Variants in CD22 observed in about 807,000 individuals in gnomAD.
CD22 encodes the protein CD22 molecule, also known as B-cell receptor CD22.
In CD22, 51 loss-of-function variants were observed where a neutral mutation model predicts 94.7. That is an observed-to-expected ratio of 0.54 (90% CI 0.43 to 0.68). CD22 has a LOEUF of 0.68. Ranked by LOEUF, CD22 falls within the 30% of genes least tolerant of loss-of-function variation. CD22 has a pLI of 0.00. For synonymous variants in CD22, 424 were observed against 422.5 expected, an observed-to-expected ratio of 1.00 and a Z score of -0.04; for missense variants, 931 against 1,060.4, an observed-to-expected ratio of 0.88 and a Z score of 1.69.
rs888295231 is a variant in CD22 at position 35,340,918 on chromosome 19, C to T, written c.1287C>T (p.Pro429=). 6 of 1,614,044 alleles carry T rather than the reference C, an allele frequency of 3.7e-6. No individual in the cohort carries two copies. The Admixed American group carries it at 5.0e-5, about 13-fold the overall frequency. The change falls in exon 7 of 14, where the codon CCC becomes CCT. Residue 429 remains proline, a synonymous_variant. Coordinates refer to ENST00000085219, the MANE Select transcript of CD22 (RefSeq NM_001771.4). ...PKKVTTVIQN[P]MPIREGDTVT... is the part of the protein sequence containing the mutation. ...AGGTGACCACAGTGATTCAAAACCC[C>T]ATGCCGATTCGAGAAGGAGACACAG... is the stretch of plus-strand genomic sequence containing the variant.
At chr19:35,344,982 A>T in intron 10 of CD22, 57 bp downstream of exon 10, 1 of 1,598,348 alleles carries the variant, frequency 6.3e-7, no homozygotes, top group Non-Finnish European at 8.6e-7. Context: ...GCCCGTGTCC[A>T]GTTGCTCCAT....
rs2066746264 is a variant in CD22 at position 35,337,774 on chromosome 19, C to T, written c.738C>T (p.Ile246=). The T allele has an allele frequency of 6.2e-7, 1 of 1,602,104 alleles. No individual in the cohort carries two copies. The highest frequency in any genetic ancestry group is 1.3e-5 in the African/African-American group (1 of 74,728). The change falls in exon 5 of 14, where the codon ATC becomes ATT. Residue 246 remains isoleucine (I), a synonymous_variant. Coordinates refer to ENST00000085219, the MANE Select transcript of CD22 (RefSeq NM_001771.4). This position sits in a 1 kb window ranked among gnomAD's most constrained non-coding sequence, Gnocchi z 4.4. The stretch of plus-strand genomic sequence containing the variant: ...CTCCAGACACCCCGAAGTTGGAGAT[C>T]AAGGTCACTCCCAGTGATGCCATAG... The part of the protein sequence containing the change: ...LNVKHTPKLE[I]KVTPSDAIVR...
At chr19:35,343,890 A>G in intron 9 of CD22, among the ~76,000 whole-genome samples, 1 of 152,200 alleles carries the variant, frequency 6.6e-6, no homozygotes, top group East Asian at 1.9e-4. Flanking sequence ...CTGACCAGGC[A>G]CAGTGGCTCA....
rs1029418682 is a variant in CD22 at position 35,346,778 on chromosome 19, G to T, written c.*81G>T. 7.4e-7 allele frequency: 1 copy of T among 1,349,618 alleles called. No individual in the cohort carries two copies. The highest frequency in any genetic ancestry group is 2.3e-5 in the Admixed American group (1 of 43,046). The allele number at this position is 1,349,618 out of a possible 1,614,324, so 83.6% of individuals were successfully genotyped here. A position where few individuals can be genotyped will look rare whatever the true frequency, so the allele number is the denominator to read the frequency against. ...GAGTTTCCCCAGACACCGCCACATG[G>T]CTTCCTCCTGCGCGCATGTGCGCAC... On this transcript the variant is annotated 3_prime_UTR_variant, in exon 14 of 14. Transcript: ENST00000085219.
In CD22 at chr19:35,341,958, C is replaced by T. The variant is rs1135985; in HGVS notation, c.2028C>T (p.Thr676=). The change falls in exon 9 of 14, where the codon ACC becomes ACT. Residue 676 remains threonine, a synonymous_variant. Coordinates refer to ENST00000085219, the MANE Select transcript of CD22 (RefSeq NM_001771.4). The surrounding 1 kb of genome is among the most constrained non-coding windows in gnomAD (Gnocchi z 4.0). ...GCCGTTCGCCTCTCAGCACCCTCAC[C>T]GTCTACTGTAAGGCCTCTTCCTGCT... The part of the protein sequence containing the change: ...GKGRSPLSTL[T]VYYSPETIGR... 9.4e-5 allele frequency: 151 copies of T among 1,611,582 alleles called. No homozygotes were observed. Among genetic ancestry groups the T allele is most frequent in the Middle Eastern group, 5.0e-4 (3 of 6,050 alleles).
At chr19:35,345,871 AG>A in intron 12 of CD22, 151 bp downstream of exon 12, 1 of 679,258 alleles carries the variant, frequency 1.5e-6, no homozygotes, top group Non-Finnish European at 2.6e-6. Flanking sequence ...CCTCTGGGTA[AG>A]GGCCAGTCTC....
intron 6 of CD22, among the ~76,000 whole-genome samples, chr19:35,339,140 G>A (rs1171575367): frequency 1.3e-5 from 2 of 152,168 alleles, no homozygotes. Context: ...GGAGGCTGAG[G>A]AGGGAGAATC....
At chr19:35,336,643 A>T (rs2066729023) in intron 4 of CD22, 3 of 403,152 alleles carry the variant, frequency 7.4e-6, no homozygotes, top group African/African-American at 4.0e-5. Flanking sequence ...TCATTCAATA[A>T]ATACGTATCA....
At chr19:35,336,509 C>T (rs1333149018) in intron 4 of CD22, 168 bp downstream of exon 4, 3 of 623,764 alleles carry the variant, frequency 4.8e-6, no homozygotes, top group African/African-American at 1.8e-5. Context: ...AAAAGATTTG[C>T]TCTAGCCTAA....
chr19:35,344,979 T>G, intron 10 of CD22, 54 bp downstream of exon 10: 1 of 1,597,382 alleles, frequency 6.3e-7, no homozygotes, highest in African/African-American at 1.3e-5. Flanking sequence ...GAGGCCCGTG[T>G]CCAGTTGCTC....
At chr19:35,344,046 AT>A (rs2066859869) in intron 9 of CD22, among the ~76,000 whole-genome samples, 1 of 152,218 alleles carries the variant, frequency 6.6e-6, no homozygotes, top group Non-Finnish European at 1.5e-5. Context: ...AAATACAAAA[AT>A]TAGCTGGGTG....
intron 9 of CD22, among the ~76,000 whole-genome samples, chr19:35,343,485 C>G (rs1178843949): frequency 1.3e-5 from 2 of 152,120 alleles, no homozygotes; most frequent in Admixed American, 1.3e-4. Context: ...CCTCATGACA[C>G]AGACGAGGCA....
chr19:35,341,617 G>T lies in CD22; in HGVS notation c.1771+11G>T. The T allele has an allele frequency of 6.2e-7, 1 of 1,608,600 alleles. No homozygotes were observed. The highest frequency in any genetic ancestry group is 8.5e-7 in the Non-Finnish European group (1 of 1,175,768). On this transcript the variant is annotated intron_variant, in intron 8 of 13. Transcript: ENST00000085219. This position sits in a 1 kb window ranked among gnomAD's most constrained non-coding sequence, Gnocchi z 4.0. ...CACTTGAAGTGCTGTGTGAGTGAGG[G>T]CCGGAGGCTGGGAGTGGAGCAGAGA...
rs1012790288 is a variant in CD22 at position 35,332,054 on chromosome 19, G to T, written c.14G>T (p.Gly5Val). MHLLGPWLLLLVLEY... is the reference protein window; with the variant it reads MHLLVPWLLLLVLEY... The stretch of plus-strand genomic sequence containing the variant: ...AGACACGACACCATGCATCTCCTCG[G>T]CCCCTGGCTCCTGCTCCTGGGTAAG... Residue 5 changes from glycine (G) to valine (V), a missense_variant, in exon 2 of 14, where the codon GGC becomes GTC. Transcript: ENST00000085219. The T allele has an allele frequency of 6.2e-7, 1 of 1,613,834 alleles. No homozygotes were observed. The highest frequency in any genetic ancestry group is 8.5e-7 in the Non-Finnish European group (1 of 1,179,900).
chr19:35,345,794 C>T, intron 12 of CD22, 74 bp downstream of exon 12: 1 of 1,049,280 alleles, frequency 9.5e-7, no homozygotes, highest in Non-Finnish European at 1.5e-6. Flanking sequence ...CCCGCCTGCC[C>T]TCTTTGTGCC....
rs1335822149 is a variant in CD22, at chr19:35,340,785, A to G, written c.1250-96A>G. On this transcript the variant is annotated intron_variant, in intron 6 of 13. Transcript: ENST00000085219. Reference sequence around the variant, plus strand: ...TTTGATTAATTTAGGACCTGTGCAGATGCCCGGGACAGGTAGCGGGAGAAG... The same window carrying G: ...TTTGATTAATTTAGGACCTGTGCAGGTGCCCGGGACAGGTAGCGGGAGAAG... 4 of 1,372,418 alleles carry G rather than the reference A, an allele frequency of 2.9e-6. No homozygotes were observed. The East Asian group carries it at 6.9e-5, about 24-fold the overall frequency. 85.0% of individuals were successfully genotyped at this position (1,372,418 alleles called of 1,614,324 possible).
intron 3 of CD22, among the ~76,000 whole-genome samples, chr19:35,333,915 A>G (rs2066681166): frequency 6.6e-6 from 1 of 152,136 alleles, no homozygotes; most frequent in African/African-American, 2.4e-5. Context: ...CCAGCATGTT[A>G]ATGTTCATGG....
In CD22 at chr19:35,341,687, C is replaced by G; in HGVS notation, c.1772-15C>G. The stretch of plus-strand genomic sequence containing the variant: ...GGTAGTGACTTCGCACCCCCTCCCC[C>G]TGCCCGCCATGCAGATGCACCCAGG... On this transcript the variant is annotated splice_polypyrimidine_tract_variant and intron_variant, in intron 8 of 13. Transcript: ENST00000085219. This position sits in a 1 kb window ranked among gnomAD's most constrained non-coding sequence, Gnocchi z 4.0. 1 of 1,607,282 alleles carries G rather than the reference C, an allele frequency of 6.2e-7. No individual in the cohort carries two copies. The highest frequency in any genetic ancestry group is 8.5e-7 in the Non-Finnish European group (1 of 1,176,968).
At position 35,337,536 on chromosome 19, in the gene CD22, G is replaced by A. The variant is rs986558641; in HGVS notation, c.719-219G>A. Among the ~76,000 whole-genome samples the A allele has an allele frequency of 6.6e-6, 1 of 152,184 alleles. No homozygotes were observed. The highest frequency in any genetic ancestry group is 1.5e-5 in the Non-Finnish European group (1 of 68,040). On this transcript the variant is annotated intron_variant, in intron 4 of 13. Coordinates refer to ENST00000085219, the MANE Select transcript of CD22 (RefSeq NM_001771.4). This position sits in a 1 kb window ranked among gnomAD's most constrained non-coding sequence, Gnocchi z 4.4. ...CGTGGTTTCCAGCAGGATTGGCGAG[G>A]TCTGGTAGATGGTGTTAGGAACCCT...
Sources: allele counts gnomAD v4.1 joint callset (sites outside exome capture counted in the v4.1 genomes callset), GRCh38; gene constraint gnomAD v4.1.1; non-coding constraint Gnocchi (gnomAD v3.1); transcripts MANE v1.5; gene names NCBI Gene and HGNC (gene_info 2026-07-23, HGNC 2026-07-21).